The following ADGRF1 variants were observed in gnomAD, a reference collection of about 807,000 sequenced individuals.
The protein encoded by ADGRF1 is adhesion G protein-coupled receptor F1, also known as G protein-coupled receptor 110.
In ADGRF1, 85 loss-of-function variants were observed where a neutral mutation model predicts 87.2. The ratio of observed to expected loss-of-function variants is 0.97; its 90% CI spans 0.82 to 1.17. The LOEUF (loss-of-function observed/expected upper bound fraction) is 1.17. Ranked by LOEUF, ADGRF1 falls within the 50% of genes most tolerant of loss-of-function variation. The pLI, the probability that ADGRF1 is intolerant of heterozygous loss-of-function variation, is 0.00. For synonymous variants in ADGRF1, 430 were observed against 408.8 expected (o/e 1.05, Z -0.63); for missense variants, 1,169 against 1,077.2 (o/e 1.09, Z -1.19).
At chr6:47,025,261 G>C (rs1780195103) in intron 4 of ADGRF1, among the ~76,000 whole-genome samples, 1 of 152,132 alleles carries the variant, frequency 6.6e-6, no homozygotes, top group South Asian at 2.1e-4. Flanking sequence ...AGAATCACCT[G>C]GAAGATCTCA....
chr6:47,022,411 C>T (rs1780087200), intron 5 of ADGRF1, among the ~76,000 whole-genome samples: 1 of 152,266 alleles, frequency 6.6e-6, no homozygotes, highest in East Asian at 1.9e-4. Context: ...AAACGATGAC[C>T]GTAACAGCAA....
At chr6:47,026,336 G>A (rs1482566909) in intron 3 of ADGRF1, among the ~76,000 whole-genome samples, 3 of 151,992 alleles carry the variant, frequency 2.0e-5, no homozygotes, top group Non-Finnish European at 4.4e-5. Context: ...AAGACTGAAG[G>A]GGGAAGAGGT....
rs754610423 is a variant in ADGRF1 at position 47,009,598 on chromosome 6, G to T, written c.1837C>A (p.Gln613Lys). 1 of 1,614,068 alleles carries T rather than the reference G, an allele frequency of 6.2e-7. No homozygotes were observed. Among genetic ancestry groups the T allele is most frequent in the Non-Finnish European group, 8.5e-7 (1 of 1,180,004 alleles). The stretch of plus-strand genomic sequence containing the variant: ...TGAGAGGTTTGGCTTTTTTTAATCT[G>T]CTTCCAAAACAAAGCCTCGATGATC... ...CLIIEALFWK[Q>K]IKKSQTSHTR... Residue 613 changes from glutamine to lysine, a missense_variant, in exon 11 of 15, where the codon CAG becomes AAG. By Grantham distance (53) the Gln-to-Lys change is moderately conservative (BLOSUM62 1). Coordinates refer to ENST00000371253, the MANE Select transcript of ADGRF1 (RefSeq NM_153840.4).
intron 11 of ADGRF1, among the ~76,000 whole-genome samples, chr6:47,007,576 C>A (rs541098954): frequency 6.6e-6 from 1 of 152,336 alleles, no homozygotes; most frequent in African/African-American, 2.4e-5. Flanking sequence ...ATCGTACCAT[C>A]CCAACCCAAA....
rs1180026081 is a variant in ADGRF1 at position 46,999,167 on chromosome 6, C to T, written c.*1055G>A. On this transcript the variant is annotated 3_prime_UTR_variant, in exon 15 of 15. Transcript: ENST00000371253. The stretch of plus-strand genomic sequence containing the variant: ...TTGCTTCACATAGCGTCAACTCCTG[C>T]TGCTTTGTATGTCATCCAAAAGTGG... 1.3e-5 allele frequency: 2 copies of T among 152,192 alleles called. No individual in the cohort carries two copies. Among genetic ancestry groups the T allele is most frequent in the Non-Finnish European group, 2.9e-5 (2 of 68,058 alleles). The allele number at this position is 152,192 out of a possible 1,614,324, so 9.4% of individuals were successfully genotyped here. A position where few individuals can be genotyped will look rare whatever the true frequency, so the allele number is the denominator to read the frequency against.
chr6:47,004,083 T>A (rs1779441923), intron 13 of ADGRF1, among the ~76,000 whole-genome samples: 1 of 152,074 alleles, frequency 6.6e-6, no homozygotes, highest in Admixed American at 6.6e-5. Flanking sequence ...GGCTCACCCC[T>A]CCCAACATAT....
rs1443267963 is a variant in ADGRF1 at position 47,009,592 on chromosome 6, T to A, written c.1843A>T (p.Lys615Ter). The A allele has an allele frequency of 6.2e-6, 10 of 1,614,202 alleles. No individual in the cohort carries two copies. The highest frequency in any genetic ancestry group is 3.3e-5 in the South Asian group (3 of 91,082). Residue 615 changes from lysine to a stop codon, truncating the protein, a stop_gained, in exon 11 of 15, where the codon AAA (lysine) becomes TAA (stop). Transcript: ENST00000371253. LOFTEE classifies it high-confidence loss of function. ...CGTGTGTGAGAGGTTTGGCTTTTTTTAATCTGCTTCCAAAACAAAGCCTCG... is the reference window on the plus strand; with the variant it reads ...CGTGTGTGAGAGGTTTGGCTTTTTTAAATCTGCTTCCAAAACAAAGCCTCG... Reference protein sequence around the residue: ...IIEALFWKQIKKSQTSHTRRI... With the variant: ...IIEALFWKQI
At chr6:47,013,629 T>C (rs1479063760) in intron 9 of ADGRF1, 2 of 985,304 alleles carry the variant, frequency 2.0e-6, no homozygotes, top group East Asian at 2.3e-4. Flanking sequence ...ACTTGAACCT[T>C]CCTAAGAGAG....
rs1190985284 is a variant in ADGRF1, at chr6:47,010,000, T to C, written c.1435A>G (p.Ile479Val). 8 of 1,614,150 alleles carry C rather than the reference T, an allele frequency of 5.0e-6. No individual in the cohort carries two copies. The highest frequency in any genetic ancestry group is 6.8e-6 in the Non-Finnish European group (8 of 1,180,022). ...AGAGTCAACGAGGCCATGCTGATAA[T>C]AGTTTCTGGAAGGGATCTCTGGAAT... ...DQFQRSLPETIISMASLTLGN... is the reference protein window; with the variant it reads ...DQFQRSLPETVISMASLTLGN... The change falls in exon 11 of 15, where the codon ATT (isoleucine) becomes GTT (valine). Residue 479 changes from isoleucine (I) to valine (V), a missense_variant. By Grantham distance (29) the Ile-to-Val change is conservative (BLOSUM62 3). Transcript: ENST00000371253.
At chr6:47,004,984 A>G (rs538330245) in intron 13 of ADGRF1, among the ~76,000 whole-genome samples, 11 of 152,132 alleles carry the variant, frequency 7.2e-5, no homozygotes, top group Non-Finnish European at 1.2e-4. Context: ...CCAGAGGAAA[A>G]TTTCCTTATT....
chr6:47,005,774 T>C, intron 13 of ADGRF1, 43 bp downstream of exon 13: 1 of 1,450,938 alleles, frequency 6.9e-7, no homozygotes. Flanking sequence ...AATGCAAAAC[T>C]GGAACTTCAT....
intron 9 of ADGRF1, 133 bp from the exon 10 acceptor site, chr6:47,012,328 A>G: frequency 2.1e-6 from 3 of 1,420,210 alleles, no homozygotes; most frequent in Non-Finnish European, 2.8e-6. Context: ...ACATAACAAT[A>G]GTAACAAAGG....
chr6:47,035,281 A>G (rs952756227), intron 1 of ADGRF1, among the ~76,000 whole-genome samples: 3 of 152,242 alleles, frequency 2.0e-5, no homozygotes, highest in Non-Finnish European at 2.9e-5. Flanking sequence ...ATTTCAGCTT[A>G]GTAACAGGAC....
intron 3 of ADGRF1, among the ~76,000 whole-genome samples, chr6:47,026,624 G>A (rs1051709879): frequency 6.6e-6 from 1 of 151,896 alleles, no homozygotes; most frequent in African/African-American, 2.4e-5. Flanking sequence ...ATTTTGACAG[G>A]GAAAGGAGAG....
chr6:47,000,386 C>T (rs1779329050), intron 14 of ADGRF1, 91 bp from the exon 15 acceptor site: 7 of 881,818 alleles, frequency 7.9e-6, no homozygotes, highest in Non-Finnish European at 1.1e-5. Context: ...GATTATTTCA[C>T]AACTAGGAAC....
intron 1 of ADGRF1, among the ~76,000 whole-genome samples, chr6:47,033,412 T>C (rs1392313132): frequency 6.6e-6 from 1 of 152,262 alleles, no homozygotes; most frequent in African/African-American, 2.4e-5. Flanking sequence ...TGTCTCCTTA[T>C]CAACAGCAGG....
At chr6:47,005,681 T>A (rs1298892659) in intron 13 of ADGRF1, 136 bp downstream of exon 13, 1 of 587,694 alleles carries the variant, frequency 1.7e-6, no homozygotes, top group African/African-American at 1.9e-5. Context: ...AGGCTCCATG[T>A]CAGATACCAG....
chr6:47,027,899 G>C (rs767230494), intron 2 of ADGRF1, 138 bp from the exon 3 acceptor site: 1 of 654,632 alleles, frequency 1.5e-6, no homozygotes, highest in Admixed American at 2.5e-5. Context: ...GCCAGGGAAG[G>C]CCTCACTGGA....
intron 7 of ADGRF1, chr6:47,019,530 A>C (rs998571041): frequency 6.1e-6 from 2 of 326,200 alleles, no homozygotes; most frequent in African/African-American, 4.5e-5. Flanking sequence ...AAAAATACAA[A>C]AAAATTAGCC....
Sources: allele counts gnomAD v4.1 joint callset (sites outside exome capture counted in the v4.1 genomes callset), GRCh38; gene constraint gnomAD v4.1.1; transcripts MANE v1.5; gene names NCBI Gene and HGNC (gene_info 2026-07-23, HGNC 2026-07-21).